Variants in FAM98A observed in about 807,000 individuals in gnomAD.
The protein encoded by FAM98A is tRNA splicing ligase complex subunit 3A.
In FAM98A, 25 loss-of-function variants were observed where a neutral mutation model predicts 62.9. The observed-to-expected ratio is 0.40, with a 90% CI of 0.29 to 0.56. The LOEUF (loss-of-function observed/expected upper bound fraction) is 0.56. Among genes scored for constraint, FAM98A ranks in the 20% least tolerant of loss-of-function variants. The probability of loss-of-function intolerance (pLI) is 0.51; values close to 1 mark genes in which losing one functional copy is unlikely to be tolerated. For missense variants in FAM98A, 653 were observed against 640.7 expected (o/e 1.02, Z -0.21); for synonymous variants, 252 against 228.6 (o/e 1.10, Z -0.92).
intron 3 of FAM98A, chr2:33,588,900 A>ATTTTT (rs71974313): frequency 6.6e-6 from 1 of 150,698 alleles, no homozygotes; most frequent in Non-Finnish European, 1.5e-5. Context: ...ATGACAATTA[A>ATTTTT]TTTTTTTTTT....
intron 3 of FAM98A, chr2:33,589,150 C>G (rs1027331176): frequency 1.3e-5 from 2 of 152,220 alleles, no homozygotes; most frequent in Non-Finnish European, 2.9e-5. Flanking sequence ...GGACTCCCTT[C>G]CCCCTACTTT....
chr2:33,593,547 T>C (rs1677723035), intron 2 of FAM98A, among the ~76,000 whole-genome samples: 1 of 152,266 alleles, frequency 6.6e-6, no homozygotes, highest in African/African-American at 2.4e-5. Context: ...TAGAGTTCAC[T>C]GGGTGAACCA....
rs1297622474 is a variant in FAM98A at position 33,595,595 on chromosome 2, T to G, written c.96A>C (p.Ala32=). ...PLLEDGALSQ[A]VSAGASSPEF... ...CGGGGGAACTGGCTCCAGCAGAGAC[T>G]GCCTGAGAGAGCGCTCCATCTTCCA... The change falls in exon 2 of 8, where the codon GCA becomes GCC. Residue 32 remains alanine (A), a synonymous_variant. Coordinates refer to ENST00000238823, the MANE Select transcript of FAM98A (RefSeq NM_015475.5). The G allele has an allele frequency of 1.3e-6, 2 of 1,598,004 alleles. No individual in the cohort carries two copies. The highest frequency in any genetic ancestry group is 1.7e-6 in the Non-Finnish European group (2 of 1,175,318).
chr2:33,590,604 G>A (rs1244546769), intron 3 of FAM98A, among the ~76,000 whole-genome samples: 9 of 152,148 alleles, frequency 5.9e-5, no homozygotes, highest in African/African-American at 2.2e-4. Context: ...ATGTATGTAT[G>A]AAGAATATAA....
rs368454177 is a variant in FAM98A, at chr2:33,588,537, A to G, written c.338-18T>C. The G allele has an allele frequency of 6.2e-7, 1 of 1,606,936 alleles. No individual in the cohort carries two copies. The highest frequency in any genetic ancestry group is 8.5e-7 in the Non-Finnish European group (1 of 1,175,926). ...GAGGTATGCTGAAGTAAACAAAATAAGATTTCAAAATGAGATACAGCTATA... is the reference window on the plus strand; with the variant it reads ...GAGGTATGCTGAAGTAAACAAAATAGGATTTCAAAATGAGATACAGCTATA... On this transcript the variant is annotated intron_variant, in intron 3 of 7. Transcript: ENST00000238823.
At position 33,586,422 on chromosome 2, in the gene FAM98A, TACTCAATA is replaced by T. The variant is rs1253702467; in HGVS notation, c.720+132_720+139del. ...ATTGCTGAATAGTTGAAAGAGCCAC[TACTCAATA>T]ACTCACTAAGGAAAAATCCCTATGT... On this transcript the variant is annotated intron_variant, in intron 6 of 7. Transcript: ENST00000238823. 5 of 554,714 alleles carry T rather than the reference TACTCAATA, an allele frequency of 9.0e-6. No homozygotes were observed. In the African/African-American group the frequency reaches 9.2e-5, roughly 10 times the overall value. 34.4% of individuals were successfully genotyped at this position (554,714 alleles called of 1,614,324 possible).
At chr2:33,592,049 A>T in intron 3 of FAM98A, 31 bp downstream of exon 3, 1 of 1,586,114 alleles carries the variant, frequency 6.3e-7, no homozygotes, top group South Asian at 1.1e-5. Flanking sequence ...AACAGAAAGT[A>T]ATAGCTATAT....
At chr2:33,596,865 C>G (rs1182584966) in intron 1 of FAM98A, among the ~76,000 whole-genome samples, 1 of 133,022 alleles carries the variant, frequency 7.5e-6, no homozygotes, top group Non-Finnish European at 1.5e-5. Context: ...GCACTCCAGC[C>G]TGGGCGACAG....
At position 33,598,120 on chromosome 2, in the gene FAM98A, T is replaced by G. The variant is rs150204967; in HGVS notation, c.53+1049A>C. Among the ~76,000 whole-genome samples the G allele has an allele frequency of 2.6e-3, 402 of 152,372 alleles. 4 individuals are homozygous for G. Among genetic ancestry groups the G allele is most frequent in the African/African-American group, 9.1e-3 (380 of 41,582 alleles). ...ATGATAAGCAAGACTACTTCGTTCC[T>G]AAAAATTTCTACTAGGGTAGTAAAT... is the stretch of plus-strand genomic sequence containing the variant. On this transcript the variant is annotated intron_variant, in intron 1 of 7. Transcript: ENST00000238823.
chr2:33,586,525 A>G, intron 6 of FAM98A, 37 bp downstream of exon 6: 1 of 1,338,638 alleles, frequency 7.5e-7, no homozygotes, highest in Non-Finnish European at 1.1e-6. Context: ...GATCATGTCT[A>G]TAAATAGTCT....
intron 2 of FAM98A, among the ~76,000 whole-genome samples, chr2:33,594,734 C>G (rs1462245668): frequency 6.7e-6 from 1 of 150,040 alleles, no homozygotes; most frequent in Non-Finnish European, 1.5e-5. Context: ...CACTAGCATG[C>G]AAGAAGGTGA....
At chr2:33,586,731 T>A (rs1290061978) in intron 5 of FAM98A, 53 bp from the exon 6 acceptor site, 9 of 1,225,062 alleles carry the variant, frequency 7.3e-6, no homozygotes, top group Non-Finnish European at 1.1e-5. Flanking sequence ...TGATTCTCTG[T>A]CCCAAAAGGG....
At chr2:33,586,377 G>GA (rs1420346991) in intron 6 of FAM98A, among the ~76,000 whole-genome samples, 185 bp downstream of exon 6, 4 of 152,072 alleles carry the variant, frequency 2.6e-5, no homozygotes, top group African/African-American at 9.7e-5. Context: ...ATAGAAAATT[G>GA]AAAAATAAAT....
Position 33,585,442 on chromosome 2 carries a change from C to T in FAM98A, c.891G>A (p.Val297=), listed in dbSNP as rs767056851. The T allele has an allele frequency of 3.1e-6, 5 of 1,614,010 alleles. No homozygotes were observed. The highest frequency in any genetic ancestry group is 2.7e-5 in the African/African-American group (2 of 74,922). ...REKTACAINK[V]LMGRVPDRGG... Reference sequence around the variant, plus strand: ...CTCTGTCAGGCACCCTGCCCATCAACACCTACAGAATAGGAAAGATATTTT... The same window carrying T: ...CTCTGTCAGGCACCCTGCCCATCAATACCTACAGAATAGGAAAGATATTTT... The change falls in exon 8 of 8, where the codon GTG becomes GTA. Residue 297 remains valine (V), a splice_region_variant and synonymous_variant. Coordinates refer to ENST00000238823, the MANE Select transcript of FAM98A (RefSeq NM_015475.5).
At position 33,587,706 on chromosome 2, in the gene FAM98A, C is replaced by T. The variant is rs200986130; in HGVS notation, c.523-386G>A. 3.8e-5 allele frequency: 8 copies of T among 209,560 alleles called. No individual in the cohort carries two copies. The East Asian group carries it at 8.4e-4, about 22-fold the overall frequency. The allele number at this position is 209,560 out of a possible 1,614,324, so 13.0% of individuals were successfully genotyped here. A position where few individuals can be genotyped will look rare whatever the true frequency, so the allele number is the denominator to read the frequency against. On this transcript the variant is annotated intron_variant, in intron 4 of 7. Transcript: ENST00000238823. ...AATGTACCAATTCTTAAGAGTCCAGCAGATAAGCGTATAGGGAATAACTGT... is the reference window on the plus strand; with the variant it reads ...AATGTACCAATTCTTAAGAGTCCAGTAGATAAGCGTATAGGGAATAACTGT...
At chr2:33,586,800 T>G (rs931275690) in intron 5 of FAM98A, 122 bp from the exon 6 acceptor site, 6 of 643,190 alleles carry the variant, frequency 9.3e-6, no homozygotes, top group Non-Finnish European at 1.4e-5. Flanking sequence ...AGTCAAAAGT[T>G]CTTATTCCAT....
intron 1 of FAM98A, among the ~76,000 whole-genome samples, chr2:33,596,582 A>G (rs1053494846): frequency 6.6e-6 from 1 of 152,202 alleles, no homozygotes; most frequent in Admixed American, 6.5e-5. Flanking sequence ...ATGATACAAT[A>G]AATATGCTTA....
At position 33,585,547 on chromosome 2, in the gene FAM98A, C is replaced by G; in HGVS notation, c.871G>C (p.Ala291Pro). 6.2e-7 allele frequency: 1 copy of G among 1,614,144 alleles called. No homozygotes were observed. The highest frequency in any genetic ancestry group is 8.5e-7 in the Non-Finnish European group (1 of 1,180,026). Residue 291 changes from alanine (A) to proline (P), a missense_variant, in exon 7 of 8, where the codon GCC becomes CCC. Coordinates refer to ENST00000238823, the MANE Select transcript of FAM98A (RefSeq NM_015475.5). ...TSSGSIREKTACAINKVLMGR... is the reference protein window; with the variant it reads ...TSSGSIREKTPCAINKVLMGR... ...CTAATCACCTTATTGATGGCACAGG[C>G]AGTCTTTTCTCTTATAGAGCCGCTG...
At position 33,594,650 on chromosome 2, in the gene FAM98A, T is replaced by C. The variant is rs12993086; in HGVS notation, c.202+839A>G. On this transcript the variant is annotated intron_variant, in intron 2 of 7. Transcript: ENST00000238823. ...ACACATATATATACACATATATATA[T>C]ACACACATATATATACACATATATA... Among the ~76,000 whole-genome samples the C allele has an allele frequency of 5.2e-4, 42 of 80,342 alleles. 4 individuals are homozygous for C. In the South Asian group the frequency reaches 0.01, roughly 19 times the overall value. 52.7% of individuals were successfully genotyped at this position (80,342 alleles called of 152,430 possible). A position where few individuals can be genotyped will look rare whatever the true frequency, so the allele number is the denominator to read the frequency against.
Sources: gnomAD v4.1 joint callset for allele counts (sites outside exome capture counted in the v4.1 genomes callset) on GRCh38, gnomAD v4.1.1 for gene constraint, MANE v1.5 for transcripts, NCBI Gene and HGNC (gene_info 2026-07-23, HGNC 2026-07-21) for gene names.